Variants in ZNF469 observed in about 807,000 individuals in gnomAD.
ZNF469 encodes the protein zinc finger protein 469.
Under a neutral mutation model 1.0 loss-of-function variants are expected in ZNF469, and 1 was observed. That is an observed-to-expected ratio of 1.00 (90% CI 0.35 to 4.73). The LOEUF (loss-of-function observed/expected upper bound fraction) is 4.73. ZNF469 is among the 30% of genes most tolerant of loss of function. The pLI, the probability that ZNF469 is intolerant of heterozygous loss-of-function variation, is 0.16. For missense variants in ZNF469, 6,100 were observed against 5,356.3 expected (o/e 1.14, Z -4.33); for synonymous variants, 2,703 against 2,363.4 (o/e 1.14, Z -4.17).
At chr16:88,120,397 A>G in the ZNF469 span, among the ~76,000 whole-genome samples, 1,611 of 152,348 alleles carry the variant, frequency 0.011, 29 homozygotes, top group African/African-American at 0.036. Context: ...TCCCGGAGTG[A>G]TGTCATCGGG....
upstream of ZNF469, among the ~76,000 whole-genome samples, chr16:88,381,394 A>T (rs1265053928): frequency 1.3e-5 from 2 of 151,486 alleles, no homozygotes; most frequent in Admixed American, 1.3e-4. Flanking sequence ...GCATTCACAC[A>T]CACGCACTCA....
At chr16:88,334,281 G>GA in the ZNF469 span, among the ~76,000 whole-genome samples, 1 of 152,068 alleles carries the variant, frequency 6.6e-6, no homozygotes, top group Non-Finnish European at 1.5e-5. Flanking sequence ...TGCCCCCTTT[G>GA]AAAAAAATTC....
At chr16:88,403,294 C>T (rs1328266343) in intron 1 of ZNF469, among the ~76,000 whole-genome samples, 3 of 152,248 alleles carry the variant, frequency 2.0e-5, no homozygotes, top group Non-Finnish European at 2.9e-5. Context: ...CCCTGGACTT[C>T]TCATTTTTTG....
the ZNF469 span, among the ~76,000 whole-genome samples, chr16:88,169,744 G>T: frequency 6.6e-6 from 1 of 152,220 alleles, no homozygotes; most frequent in Non-Finnish European, 1.5e-5. This position sits in a 1 kb window ranked among gnomAD's most constrained non-coding sequence, Gnocchi z 6.1. Context: ...CTCCAGGAAT[G>T]TTTGTAAGGG....
chr16:88,355,510 C>T, the ZNF469 span, among the ~76,000 whole-genome samples: 1 of 152,224 alleles, frequency 6.6e-6, no homozygotes, highest in Non-Finnish European at 1.5e-5. Context: ...GACCCGGGCT[C>T]CCGCACCCTG....
chr16:88,343,582 C>T, the ZNF469 span, among the ~76,000 whole-genome samples: 1 of 152,132 alleles, frequency 6.6e-6, no homozygotes, highest in African/African-American at 2.4e-5. Context: ...AGTCCAAGGT[C>T]GAGCGGCTGC....
chr16:88,437,496 C>T lies in ZNF469; in HGVS notation c.10026C>T (p.Cys3342=). 1 of 1,540,392 alleles carries T rather than the reference C, an allele frequency of 6.5e-7. No homozygotes were observed. The highest frequency in any genetic ancestry group is 1.4e-5 in the African/African-American group (1 of 72,480). The change falls in exon 3 of 3, where the codon TGC becomes TGT. Residue 3342 remains cysteine (C), a synonymous_variant. Coordinates refer to ENST00000565624, the MANE Select transcript of ZNF469 (RefSeq NM_001367624.2). ...CKDPSRDCHH[C]GKRFPKPFKL... ...ACCCCTCCCGCGACTGCCACCACTG[C>T]GGGAAGCGCTTCCCCAAGCCCTTCA...
the ZNF469 span, among the ~76,000 whole-genome samples, chr16:88,373,022 G>A: frequency 6.0e-3 from 910 of 152,064 alleles, 9 homozygotes; most frequent in African/African-American, 0.02. Context: ...CACCATCATC[G>A]CCATCATCCT....
At position 88,439,084 on chromosome 16, in the gene ZNF469, C is replaced by A. The variant is rs753399570; in HGVS notation, c.11614C>A (p.Pro3872Thr). ...GCCCAACAGCCAGAACAAACCCAGG[C>A]CGCCACCATCAGAGCAGCGGAAGGC... The part of the protein sequence containing the change: ...PKPNSQNKPR[P>T]PPSEQRKAEP... Residue 3872 changes from proline (P) to threonine (T), a missense_variant, in exon 3 of 3, where the codon CCG becomes ACG. Physicochemically the swap from Pro to Thr is conservative, Grantham distance 38 (BLOSUM62 -1). Transcript: ENST00000565624. 3.9e-6 allele frequency: 6 copies of A among 1,550,800 alleles called. No individual in the cohort carries two copies. The highest frequency in any genetic ancestry group is 5.2e-6 in the Non-Finnish European group (6 of 1,146,992).
At chr16:88,268,774 C>A in the ZNF469 span, among the ~76,000 whole-genome samples, 1 of 152,158 alleles carries the variant, frequency 6.6e-6, no homozygotes, top group African/African-American at 2.4e-5. Context: ...TTGAGGTAAG[C>A]CTGGGAGGGT....
At position 88,435,097 on chromosome 16, in the gene ZNF469, C is replaced by G. The variant is rs747677679; in HGVS notation, c.7627C>G (p.Arg2543Gly). The G allele has an allele frequency of 1.3e-6, 2 of 1,550,378 alleles. No individual in the cohort carries two copies. Among genetic ancestry groups the G allele is most frequent in the East Asian group, 2.4e-5 (1 of 40,918 alleles). The change falls in exon 3 of 3, where the codon CGG becomes GGG. Residue 2543 changes from arginine (R) to glycine (G), a missense_variant. By Grantham distance (125) the Arg-to-Gly change is moderately radical. Transcript: ENST00000565624. ...VSGKERPNHS[R>G]GDPSHVTQPP... is the part of the protein sequence containing the mutation. ...TGGGAAGGAGAGACCAAATCACTCACGGGGAGACCCCAGCCACGTCACCCA... is the reference window on the plus strand; with the variant it reads ...TGGGAAGGAGAGACCAAATCACTCAGGGGGAGACCCCAGCCACGTCACCCA...
At chr16:88,112,614 A>G in the ZNF469 span, among the ~76,000 whole-genome samples, 3 of 152,024 alleles carry the variant, frequency 2.0e-5, no homozygotes, top group Non-Finnish European at 2.9e-5. Context: ...TCTTTTGCCC[A>G]TTTTTACTCA....
At chr16:88,416,316 G>A (rs930091754) in intron 1 of ZNF469, among the ~76,000 whole-genome samples, 7 of 152,180 alleles carry the variant, frequency 4.6e-5, no homozygotes, top group African/African-American at 1.2e-4. Flanking sequence ...CGGCACAGGG[G>A]AATCCAGGTG....
the ZNF469 span, among the ~76,000 whole-genome samples, chr16:88,130,896 G>A: frequency 4.6e-5 from 7 of 152,306 alleles, 1 homozygote; most frequent in South Asian, 1.5e-3. Flanking sequence ...GAGTGGGGGT[G>A]TGAAGTGGCC....
At chr16:88,348,818 C>A in the ZNF469 span, among the ~76,000 whole-genome samples, 3 of 152,174 alleles carry the variant, frequency 2.0e-5, no homozygotes, top group South Asian at 6.2e-4. Flanking sequence ...TTCTTGAGGC[C>A]CCTGGGGCTG....
At chr16:88,195,416 T>C in the ZNF469 span, among the ~76,000 whole-genome samples, 1 of 152,306 alleles carries the variant, frequency 6.6e-6, no homozygotes, top group South Asian at 2.1e-4. Flanking sequence ...CATGATTCAG[T>C]TCACACTGAT....
the ZNF469 span, among the ~76,000 whole-genome samples, chr16:88,264,347 C>A: frequency 6.6e-6 from 1 of 151,952 alleles, no homozygotes; most frequent in Admixed American, 6.6e-5. Context: ...GGCAGGCCAG[C>A]CCTGATGCCC....
chr16:88,179,037 C>T, the ZNF469 span: 1 of 152,332 alleles, frequency 6.6e-6, no homozygotes, highest in Non-Finnish European at 1.5e-5. Flanking sequence ...CACCCCCAAC[C>T]CGAAGACGGG....
the ZNF469 span, among the ~76,000 whole-genome samples, chr16:88,268,699 G>C: frequency 9.2e-5 from 14 of 152,212 alleles, no homozygotes; most frequent in African/African-American, 2.9e-4. Flanking sequence ...GGTCACGCTT[G>C]TCACACTTCT....
Sources: allele counts gnomAD v4.1 joint callset (sites outside exome capture counted in the v4.1 genomes callset), GRCh38; gene constraint gnomAD v4.1.1; non-coding constraint Gnocchi (gnomAD v3.1); transcripts MANE v1.5; gene names NCBI Gene and HGNC (gene_info 2026-07-23, HGNC 2026-07-21).